VPS13B: variants seen among roughly 807,000 people sequenced by gnomAD.
VPS13B encodes the protein vacuolar protein sorting 13 homolog B, also known as intermembrane lipid transfer protein VPS13B.
In VPS13B, 285 loss-of-function variants were observed where a neutral mutation model predicts 426.4. That is an observed-to-expected ratio of 0.67 (90% confidence interval 0.61 to 0.74). The LOEUF (loss-of-function observed/expected upper bound fraction) is 0.74, where lower values mean the gene tolerates loss of function less well. VPS13B is among the 30% of genes least tolerant of loss of function. The pLI is 0.00. For missense variants in VPS13B, 4,537 were observed against 4,782.6 expected, an observed-to-expected ratio of 0.95 and a Z score of 1.51; for synonymous variants, 1,676 against 1,676.4, an observed-to-expected ratio of 1.00 and a Z score of 0.01.
Position 99,715,033 on chromosome 8 carries a change from A to G in VPS13B, c.6455-2138A>G, listed in dbSNP as rs1419820670. ...AGCTAGGTGAAGGGTGTACAGGAAC[A>G]TTATACAGTATGTTTTTTCAACTTT... On this transcript the variant is annotated intron_variant, in intron 36 of 61. Coordinates refer to ENST00000357162, the MANE Select transcript of VPS13B (RefSeq NM_152564.5). Among the ~76,000 whole-genome samples, 4 of 152,102 alleles carry G rather than the reference A, an allele frequency of 2.6e-5. No homozygotes were observed. The East Asian group carries it at 7.7e-4, about 29-fold the overall frequency.
At chr8:99,072,698 T>G (rs1281274696) in intron 3 of VPS13B, among the ~76,000 whole-genome samples, 1 of 152,186 alleles carries the variant, frequency 6.6e-6, no homozygotes, top group Non-Finnish European at 1.5e-5. Context: ...TTTCTCCTGT[T>G]TTCTTTTAGT....
chr8:99,742,886 ACTGGAAGCACT>A (rs1809830311), intron 39 of VPS13B, among the ~76,000 whole-genome samples: 1 of 152,134 alleles, frequency 6.6e-6, no homozygotes, highest in Non-Finnish European at 1.5e-5. Flanking sequence ...ATGGGCAAAA[ACTGGAAGCACT>A]CTGTTTGAAA....
chr8:99,615,249 C>T (rs1035055860), intron 33 of VPS13B, among the ~76,000 whole-genome samples: 5 of 151,882 alleles, frequency 3.3e-5, no homozygotes, highest in African/African-American at 4.8e-5. Flanking sequence ...TATTATTAGC[C>T]GTCTTCTAAA....
chr8:99,356,990 C>G (rs942425810), intron 19 of VPS13B, among the ~76,000 whole-genome samples: 2 of 151,920 alleles, frequency 1.3e-5, no homozygotes, highest in Non-Finnish European at 2.9e-5. Context: ...AATTAATTTA[C>G]TAGAAACATA....
chr8:99,029,099 A>G (rs1178013855), intron 2 of VPS13B, among the ~76,000 whole-genome samples: 51 of 116,806 alleles, frequency 4.4e-4, no homozygotes, highest in African/African-American at 7.3e-4. Flanking sequence ...CCTCCCAGAC[A>G]GGGTTGCGGC....
At chr8:99,055,910 T>C (rs1438646631) in intron 3 of VPS13B, among the ~76,000 whole-genome samples, 1 of 150,344 alleles carries the variant, frequency 6.7e-6, no homozygotes, top group East Asian at 1.9e-4. Context: ...ATTTTTTTTT[T>C]TTTTTTTTTT....
At chr8:99,335,597 T>C (rs1286692283) in intron 19 of VPS13B, among the ~76,000 whole-genome samples, 2 of 152,260 alleles carry the variant, frequency 1.3e-5, no homozygotes, top group East Asian at 3.9e-4. Context: ...GATGACATGA[T>C]TGGATATCTA....
chr8:99,560,299 G>A (rs1403152731), intron 31 of VPS13B, among the ~76,000 whole-genome samples: 1 of 152,148 alleles, frequency 6.6e-6, no homozygotes, highest in Admixed American at 6.5e-5. Flanking sequence ...AGCTTAAGGA[G>A]ATTTTGGGCT....
chr8:99,864,784 T>G (rs2130951006), intron 58 of VPS13B, among the ~76,000 whole-genome samples: 1 of 152,242 alleles, frequency 6.6e-6, no homozygotes, highest in Admixed American at 6.5e-5. Flanking sequence ...TTGGATGAGG[T>G]AAAGCGACTT....
intron 19 of VPS13B, among the ~76,000 whole-genome samples, chr8:99,312,885 G>A (rs199782901): frequency 1.3e-5 from 2 of 151,964 alleles, no homozygotes; most frequent in African/African-American, 4.8e-5. Flanking sequence ...TCTTTTTTCT[G>A]TAAACTTCTC....
chr8:99,335,011 A>C (rs1019595857), intron 19 of VPS13B, among the ~76,000 whole-genome samples: 1 of 152,112 alleles, frequency 6.6e-6, no homozygotes, highest in Non-Finnish European at 1.5e-5. Context: ...TTGGTAAGCT[A>C]TTGATTATTG....
intron 43 of VPS13B, among the ~76,000 whole-genome samples, chr8:99,792,387 A>G (rs1331117347): frequency 1.3e-5 from 2 of 152,184 alleles, no homozygotes; most frequent in Non-Finnish European, 2.9e-5. Flanking sequence ...GTCTGTGTCA[A>G]AGGTGAAGGG....
At chr8:99,180,166 G>A (rs1812869968) in intron 16 of VPS13B, among the ~76,000 whole-genome samples, 1 of 152,030 alleles carries the variant, frequency 6.6e-6, no homozygotes, top group Admixed American at 6.5e-5. Context: ...TAATGTAAAG[G>A]CATCTTACTT....
At chr8:99,802,581 A>G (rs1197935501) in intron 43 of VPS13B, among the ~76,000 whole-genome samples, 3 of 152,332 alleles carry the variant, frequency 2.0e-5, no homozygotes, top group East Asian at 1.9e-4. Context: ...GCATAATCCT[A>G]TAACCCTAAA....
At chr8:99,811,463 C>G (rs1813695664) in intron 44 of VPS13B, among the ~76,000 whole-genome samples, 1 of 152,112 alleles carries the variant, frequency 6.6e-6, no homozygotes, top group African/African-American at 2.4e-5. Flanking sequence ...ACACAGATTG[C>G]TGGGTCCCAA....
chr8:99,203,117 A>C (rs980435339), intron 17 of VPS13B, among the ~76,000 whole-genome samples: 1 of 152,092 alleles, frequency 6.6e-6, no homozygotes, highest in Non-Finnish European at 1.5e-5. Flanking sequence ...TCCTCAATAA[A>C]ATACTGGCAA....
chr8:99,014,089 C>G (rs1172868167), intron 2 of VPS13B, among the ~76,000 whole-genome samples, 154 bp downstream of exon 2: 1 of 133,866 alleles, frequency 7.5e-6, no homozygotes, highest in Non-Finnish European at 1.6e-5. Flanking sequence ...TTATTTTACA[C>G]TATTTTCTTT....
At chr8:99,063,253 A>T (rs1043574660) in intron 3 of VPS13B, among the ~76,000 whole-genome samples, 17 of 152,218 alleles carry the variant, frequency 1.1e-4, no homozygotes, top group Non-Finnish European at 2.5e-4. Flanking sequence ...GGGCAAGCCG[A>T]AGCAGGGCGG....
At chr8:99,784,549 G>C in intron 43 of VPS13B, 73 bp downstream of exon 43, 1 of 1,584,352 alleles carries the variant, frequency 6.3e-7, no homozygotes, top group Non-Finnish European at 8.7e-7. Flanking sequence ...TTGTGTGCCT[G>C]TCCAGTTATT....
Sources: allele counts gnomAD v4.1 joint callset (sites outside exome capture counted in the v4.1 genomes callset), GRCh38; gene constraint gnomAD v4.1.1; transcripts MANE v1.5; gene names NCBI Gene and HGNC (gene_info 2026-07-23, HGNC 2026-07-21).